PRDM10: variants seen among roughly 807,000 people sequenced by gnomAD.
The protein encoded by PRDM10 is PR domain zinc finger protein 10.
Under a neutral mutation model 133.1 loss-of-function variants are expected in PRDM10, and 65 were observed. The observed-to-expected ratio is 0.49, with a 90% CI of 0.40 to 0.60. The LOEUF is 0.60. Among genes scored for constraint, PRDM10 ranks in the 20% least tolerant of loss-of-function variants. The pLI is 0.00. For synonymous variants in PRDM10, 582 were observed against 580.4 expected (o/e 1.00, Z -0.04); for missense variants, 1,137 against 1,507.1 (o/e 0.75, Z 4.07).
chr11:129,973,384 G>C (rs1279416913), intron 1 of PRDM10, among the ~76,000 whole-genome samples: 2 of 152,222 alleles, frequency 1.3e-5, no homozygotes, highest in African/African-American at 2.4e-5. Context: ...AATGAGGTAA[G>C]AGGCACCAAG....
intron 1 of PRDM10, among the ~76,000 whole-genome samples, chr11:129,992,699 T>C (rs547200768): frequency 6.6e-6 from 1 of 152,244 alleles, no homozygotes; most frequent in Non-Finnish European, 1.5e-5. Flanking sequence ...AAAGCTGTGA[T>C]GAAGGGCTCC....
intron 4 of PRDM10, among the ~76,000 whole-genome samples, chr11:129,953,461 T>C (rs1454078466): frequency 6.6e-6 from 1 of 151,928 alleles, no homozygotes; most frequent in African/African-American, 2.4e-5. Context: ...GCCCAGCTAA[T>C]TTTTGTATTT....
At chr11:129,932,032 G>A in intron 10 of PRDM10, 70 bp downstream of exon 10, 1 of 1,533,850 alleles carries the variant, frequency 6.5e-7, no homozygotes, top group African/African-American at 1.4e-5. Context: ...TTTGTACTTA[G>A]GTCTCGTCAG....
intron 1 of PRDM10, among the ~76,000 whole-genome samples, chr11:129,994,367 G>A (rs535326559): frequency 4.2e-4 from 64 of 151,720 alleles, no homozygotes; most frequent in Admixed American, 8.5e-4. Context: ...CAGGAGGCTG[G>A]GGCAGGGAGA....
intron 1 of PRDM10, among the ~76,000 whole-genome samples, chr11:129,985,575 T>C (rs1251694610): frequency 1.3e-5 from 2 of 151,624 alleles, no homozygotes; most frequent in Non-Finnish European, 2.9e-5. Flanking sequence ...GAGGACTGCT[T>C]GAGCTCAGGC....
intron 4 of PRDM10, among the ~76,000 whole-genome samples, chr11:129,949,668 T>C (rs1232290442): frequency 1.3e-5 from 2 of 152,164 alleles, no homozygotes; most frequent in African/African-American, 4.8e-5. Context: ...TGGTGGCTCA[T>C]GCCTGTAATC....
At chr11:129,912,345 C>A in intron 17 of PRDM10, 120 bp from the exon 18 acceptor site, 1 of 1,133,244 alleles carries the variant, frequency 8.8e-7, no homozygotes, top group South Asian at 2.3e-5. Flanking sequence ...TGGCTCATGC[C>A]TATAAACCCA....
rs1950303516 is a variant in PRDM10 at position 129,914,826 on chromosome 11, T to C, written c.2719A>G (p.Thr907Ala). Residue 907 changes from threonine to alanine, a missense_variant, in exon 17 of 21, where the codon ACG becomes GCG. Thr to Ala is a moderately conservative substitution (Grantham distance 58). This residue lies in a region of PRDM10 where 113 missense variants were observed against 143.7 expected (regional missense o/e 0.79). Transcript: ENST00000360871. ...CCTTGTGGCGTTCGGTAGTCTGTCG[T>C]TAAGGTCTGGGACAGTTCTGTCATT... is the stretch of plus-strand genomic sequence containing the variant. ...QAMTELSQTL[T>A]TDYRTPQGDY... is the part of the protein sequence containing the mutation. 6.2e-7 allele frequency: 1 copy of C among 1,614,050 alleles called. No individual in the cohort carries two copies. Among genetic ancestry groups the C allele is most frequent in the South Asian group, 1.1e-5 (1 of 91,082 alleles).
intron 1 of PRDM10, among the ~76,000 whole-genome samples, chr11:129,985,757 G>A (rs574391794): frequency 1.7e-5 from 2 of 115,680 alleles, no homozygotes; most frequent in South Asian, 5.9e-4. Context: ...ACTCCAGCCT[G>A]GGTGACAAAG....
chr11:129,990,779 T>C (rs1938697490), intron 1 of PRDM10, among the ~76,000 whole-genome samples: 1 of 152,134 alleles, frequency 6.6e-6, no homozygotes, highest in African/African-American at 2.4e-5. Flanking sequence ...GGGTCCTCAC[T>C]TTTTCCTCAC....
intron 7 of PRDM10, 39 bp downstream of exon 7, chr11:129,942,387 T>C: frequency 6.3e-7 from 1 of 1,576,870 alleles, no homozygotes; most frequent in South Asian, 1.1e-5. Context: ...ACAATCACTC[T>C]TGCTAGCAAA....
intron 7 of PRDM10, among the ~76,000 whole-genome samples, chr11:129,939,131 C>T (rs1289373513): frequency 1.3e-5 from 2 of 152,166 alleles, no homozygotes; most frequent in African/African-American, 2.4e-5. Context: ...CATCTGTTTC[C>T]TTCATGGAAC....
rs930173339 is a variant in PRDM10, at chr11:129,988,637, C to CT, written c.-119+14084dup. On this transcript the variant is annotated intron_variant, in intron 1 of 20. Transcript: ENST00000360871. ...AGAGGAGATGTTAAGTCAATGCAAA[C>CT]TTTTTTTTTTGAGACGGAATCTCGC... 2.5e-4 allele frequency among the ~76,000 whole-genome samples: 37 copies of CT among 148,898 alleles called. 1 individual carries two copies. The East Asian group carries it at 3.3e-3, about 13-fold the overall frequency.
At chr11:129,920,340 G>A (rs1164980544) in intron 13 of PRDM10, among the ~76,000 whole-genome samples, 4 of 151,972 alleles carry the variant, frequency 2.6e-5, no homozygotes, top group Non-Finnish European at 4.4e-5. Context: ...TGCCTAAGTC[G>A]TGCTTTTTGG....
chr11:129,967,571 T>C (rs1951933089), intron 1 of PRDM10, among the ~76,000 whole-genome samples: 1 of 152,088 alleles, frequency 6.6e-6, no homozygotes, highest in Admixed American at 6.6e-5. Flanking sequence ...AGGGTAGCAA[T>C]TTTTTTCATG....
At chr11:129,928,099 G>A (rs1294312976) in intron 11 of PRDM10, among the ~76,000 whole-genome samples, 3 of 151,958 alleles carry the variant, frequency 2.0e-5, no homozygotes, top group African/African-American at 7.2e-5. Flanking sequence ...TGTTTCTAAA[G>A]TTTAGGGGGT....
intron 4 of PRDM10, among the ~76,000 whole-genome samples, chr11:129,954,719 C>A (rs1013331356): frequency 7.2e-5 from 11 of 152,172 alleles, no homozygotes; most frequent in African/African-American, 2.7e-4. Context: ...GCCACCCAGG[C>A]TGGAGTGCAG....
At position 129,925,130 on chromosome 11, in the gene PRDM10, G is replaced by C. The variant is rs1950637261; in HGVS notation, c.1630C>G (p.His544Asp). ...AFREKDKLDQHLRFHGREGNC... is the reference protein window; with the variant it reads ...AFREKDKLDQDLRFHGREGNC... ...CCCTCCCGCCCATGGAAGCGTAAGT[G>C]CTGGTCCAGTTTGTCCTTTTCCCGG... The change falls in exon 12 of 21, where the codon CAC (histidine) becomes GAC (aspartate). Residue 544 changes from histidine (H) to aspartate (D), a missense_variant. This residue lies in a region of PRDM10 where 635 missense variants were observed against 835.2 expected (regional missense o/e 0.76). Transcript: ENST00000360871. The C allele has an allele frequency of 1.9e-6, 3 of 1,614,224 alleles. No individual in the cohort carries two copies. Among genetic ancestry groups the C allele is most frequent in the Non-Finnish European group, 2.5e-6 (3 of 1,180,042 alleles).
At chr11:129,950,191 G>A (rs1033810920) in intron 4 of PRDM10, among the ~76,000 whole-genome samples, 1 of 150,348 alleles carries the variant, frequency 6.7e-6, no homozygotes. Flanking sequence ...GAGCTGTGAT[G>A]GTGTCACTCC....
Sources: allele counts gnomAD v4.1 joint callset (sites outside exome capture counted in the v4.1 genomes callset), GRCh38; gene constraint gnomAD v4.1.1; regional missense constraint gnomAD v4.1.1; transcripts MANE v1.5; gene names NCBI Gene and HGNC (gene_info 2026-07-23, HGNC 2026-07-21).